The following CLTCL1 variants were observed in gnomAD, a reference collection of about 807,000 sequenced individuals.
CLTCL1 encodes clathrin heavy chain like 1.
A neutral mutation model predicts 190.0 loss-of-function variants in CLTCL1; 159 were observed. That is an observed-to-expected ratio of 0.84 (90% confidence interval 0.74 to 0.95). CLTCL1 has a LOEUF of 0.95. Among genes scored for constraint, CLTCL1 ranks in the 40% least tolerant of loss-of-function variants. The pLI is 0.00. For synonymous variants in CLTCL1, 752 were observed against 769.6 expected (o/e 0.98, Z 0.38); for missense variants, 1,878 against 2,033.4 (o/e 0.92, Z 1.47).
chr22:19,213,692 T>C (rs556481589), intron 19 of CLTCL1, among the ~76,000 whole-genome samples: 32 of 152,210 alleles, frequency 2.1e-4, no homozygotes, highest in Non-Finnish European at 3.8e-4. Flanking sequence ...GAGGAGTCTA[T>C]ACCACGTGAC....
chr22:19,264,895 T>C (rs572749052), intron 2 of CLTCL1, among the ~76,000 whole-genome samples: 1 of 152,266 alleles, frequency 6.6e-6, no homozygotes, highest in East Asian at 1.9e-4. Flanking sequence ...TTCAAGTGAT[T>C]GTCCTCCTTC....
chr22:19,180,061 C>G, intron 32 of CLTCL1, 92 bp from the exon 33 acceptor site: 1 of 719,290 alleles, frequency 1.4e-6, no homozygotes, highest in Non-Finnish European at 2.4e-6. Flanking sequence ...GCCCAGGGAG[C>G]AGGGTCTATA....
At chr22:19,211,723 C>T (rs60617165) in intron 19 of CLTCL1, among the ~76,000 whole-genome samples, 7,131 of 148,626 alleles carry the variant, frequency 0.048, 595 homozygotes, top group African/African-American at 0.17. Flanking sequence ...GCTGAGATTG[C>T]GCCACTGCAC....
In CLTCL1 at chr22:19,233,430, C is replaced by T. The variant is rs1387653530; in HGVS notation, c.1360G>A (p.Glu454Lys). Residue 454 changes from glutamate (E) to lysine (K), a missense_variant, in exon 8 of 33, where the codon GAA becomes AAA. Coordinates refer to ENST00000427926, the MANE Select transcript of CLTCL1 (RefSeq NM_007098.4). The stretch of plus-strand genomic sequence containing the variant: ...CTCACAAGTGTTTCTACCTTATCTT[C>T]TTTCAGCCACTTCTCTAGGAGTTGC... ...RKQLLEKWLK[E>K]DKLECSEELG... 4.3e-5 allele frequency: 69 copies of T among 1,613,440 alleles called. No individual in the cohort carries two copies. The highest frequency in any genetic ancestry group is 5.4e-5 in the Non-Finnish European group (64 of 1,179,698).
intron 31 of CLTCL1, among the ~76,000 whole-genome samples, chr22:19,180,528 G>A (rs1278710770): frequency 6.6e-6 from 1 of 152,194 alleles, no homozygotes; most frequent in Non-Finnish European, 1.5e-5. Flanking sequence ...TCAGAAGGCA[G>A]GCATCCTTAC....
intron 14 of CLTCL1, among the ~76,000 whole-genome samples, chr22:19,223,432 G>A (rs782639051): frequency 9.8e-5 from 14 of 142,386 alleles, no homozygotes; most frequent in Admixed American, 3.6e-4. Context: ...CTGGGAAGAC[G>A]ACATCCAGGT....
intron 3 of CLTCL1, among the ~76,000 whole-genome samples, chr22:19,248,753 T>C (rs1246930651): frequency 7.9e-5 from 12 of 152,238 alleles, no homozygotes; most frequent in African/African-American, 2.7e-4. Flanking sequence ...TTTCGCCATG[T>C]TGGCCAGGCT....
intron 1 of CLTCL1, among the ~76,000 whole-genome samples, chr22:19,279,775 T>C (rs1207461121): frequency 1.3e-5 from 2 of 152,236 alleles, no homozygotes; most frequent in African/African-American, 4.8e-5. Context: ...TCATATTTAC[T>C]TAATCTCTTG....
intron 2 of CLTCL1, among the ~76,000 whole-genome samples, chr22:19,262,023 A>G (rs976708393): frequency 2.4e-4 from 36 of 151,900 alleles, no homozygotes; most frequent in African/African-American, 8.7e-4. Flanking sequence ...AAAATTATTT[A>G]TTATTTATTT....
At chr22:19,278,048 C>T (rs2087577765) in intron 1 of CLTCL1, among the ~76,000 whole-genome samples, 2 of 152,060 alleles carry the variant, frequency 1.3e-5, no homozygotes, top group African/African-American at 4.8e-5. Flanking sequence ...ACTGATGAAC[C>T]GCCAGATGGA....
rs1230437788 is a variant in CLTCL1, at chr22:19,179,921, G to T, written c.*69C>A. ...TTGGAGGCTGGCGAAGTTGGGAGCA[G>T]AGGCATATCCATAGGGGAAGCTGGC... On this transcript the variant is annotated 3_prime_UTR_variant, in exon 33 of 33. Coordinates refer to ENST00000427926, the MANE Select transcript of CLTCL1 (RefSeq NM_007098.4). 2.0e-6 allele frequency: 1 copy of T among 495,730 alleles called. No individual in the cohort carries two copies. Among genetic ancestry groups the T allele is most frequent in the Non-Finnish European group, 3.6e-6 (1 of 275,636 alleles). The allele number at this position is 495,730 out of a possible 1,614,324, so 30.7% of individuals were successfully genotyped here.
intron 17 of CLTCL1, among the ~76,000 whole-genome samples, chr22:19,220,960 G>A (rs2085549665): frequency 6.6e-6 from 1 of 152,156 alleles, no homozygotes; most frequent in Admixed American, 6.5e-5. Context: ...CCAAAAAGGG[G>A]GCATGAAGTA....
rs1555971500 is a variant in CLTCL1, at chr22:19,254,200, A to G, written c.278T>C (p.Ile93Thr). ...AGCCTTCATTTTACTCTTCATCTCA[A>G]TATTAAAGATCTGAAGTGTCTTCCC... ...KAGKTLQIFNIEMKSKMKAHT... is the reference protein window; with the variant it reads ...KAGKTLQIFNTEMKSKMKAHT... Residue 93 changes from isoleucine (I) to threonine (T), a missense_variant, in exon 3 of 33, where the codon ATT becomes ACT. Ile to Thr is a moderately conservative substitution (Grantham distance 89, BLOSUM62 -1). Coordinates refer to ENST00000427926, the MANE Select transcript of CLTCL1 (RefSeq NM_007098.4). The G allele has an allele frequency of 6.2e-7, 1 of 1,613,274 alleles. No homozygotes were observed. Among genetic ancestry groups the G allele is most frequent in the Admixed American group, 1.7e-5 (1 of 60,008 alleles).
At chr22:19,200,320 A>G (rs1315644468) in intron 23 of CLTCL1, among the ~76,000 whole-genome samples, 1 of 152,228 alleles carries the variant, frequency 6.6e-6, no homozygotes, top group Admixed American at 6.5e-5. Flanking sequence ...CTGTACAAAA[A>G]TAATCACATA....
rs782208918 is a variant in CLTCL1 at position 19,229,839 on chromosome 22, T to A, written c.1781A>T (p.Gln594Leu). The change falls in exon 11 of 33, where the codon CAG (glutamine) becomes CTG (leucine). Residue 594 changes from glutamine to leucine, a missense_variant and splice_region_variant. Gln to Leu is a moderately radical substitution (Grantham distance 113). Coordinates refer to ENST00000427926, the MANE Select transcript of CLTCL1 (RefSeq NM_007098.4). ...GGTGTTAGCCTACAAGTCACTGACCTGGGGTGCATGAACAAGGTTCATCTC... is the reference window on the plus strand; with the variant it reads ...GGTGTTAGCCTACAAGTCACTGACCAGGGGTGCATGAACAAGGTTCATCTC... ...LLEMNLVHAP[Q>L]VADAILGNKM... is the part of the protein sequence containing the mutation. 6 of 1,607,302 alleles carry A rather than the reference T, an allele frequency of 3.7e-6. No individual in the cohort carries two copies. The South Asian group carries it at 6.7e-5, about 18-fold the overall frequency.
At position 19,220,016 on chromosome 22, in the gene CLTCL1, A is replaced by T. The variant is rs1555951528; in HGVS notation, c.2797-9T>A. On this transcript the variant is annotated splice_polypyrimidine_tract_variant and intron_variant, in intron 17 of 32. Coordinates refer to ENST00000427926, the MANE Select transcript of CLTCL1 (RefSeq NM_007098.4). ...GAATTCTCATTGCACACCTGAAATG[A>T]GCACACTCATGTGTGTGACACAGCA... 6.2e-7 allele frequency: 1 copy of T among 1,613,924 alleles called. No individual in the cohort carries two copies. Among genetic ancestry groups the T allele is most frequent in the Admixed American group, 1.7e-5 (1 of 60,034 alleles).
intron 3 of CLTCL1, among the ~76,000 whole-genome samples, chr22:19,248,966 C>T (rs28651174): frequency 0.38 from 58,403 of 152,038 alleles, 12,131 homozygotes; most frequent in South Asian, 0.54. Context: ...AAATGTCCAG[C>T]GCCCCAAGAC....
chr22:19,201,096 G>A lies in CLTCL1; in HGVS notation c.3765+233C>T, dbSNP rs185413722. Among the ~76,000 whole-genome samples, 271 of 152,320 alleles carry A rather than the reference G, an allele frequency of 1.8e-3. 2 individuals carry two copies. Among genetic ancestry groups the A allele is most frequent in the Admixed American group, 0.014 (213 of 15,296 alleles). On this transcript the variant is annotated intron_variant, in intron 23 of 32. Transcript: ENST00000427926. ...GTGTTATGAAAATACTTATAATACT[G>A]GTAATTCCATGCTATTAAGGCTACC...
Position 19,253,943 on chromosome 22 carries a change from G to A in CLTCL1, c.519+16C>T. 6 of 1,607,446 alleles carry A rather than the reference G, an allele frequency of 3.7e-6. No individual in the cohort carries two copies. The highest frequency in any genetic ancestry group is 5.1e-6 in the Non-Finnish European group (6 of 1,175,136). The stretch of plus-strand genomic sequence containing the variant: ...AGTTACATCAGACCAGCCCCTAAAG[G>A]CAGCTCAAGGCTTACCTGAGCCGAG... On this transcript the variant is annotated intron_variant, in intron 3 of 32. Coordinates refer to ENST00000427926, the MANE Select transcript of CLTCL1 (RefSeq NM_007098.4).
Sources: gnomAD v4.1 joint callset for allele counts (sites outside exome capture counted in the v4.1 genomes callset) on GRCh38, gnomAD v4.1.1 for gene constraint, MANE v1.5 for transcripts, NCBI Gene and HGNC (gene_info 2026-07-23, HGNC 2026-07-21) for gene names.